Variants in NRG2 observed in about 807,000 individuals in gnomAD.
NRG2 encodes neuregulin 2, also known as pro-neuregulin-2, membrane-bound isoform.
Under a neutral mutation model 73.9 loss-of-function variants are expected in NRG2, and 27 were observed. The ratio of observed to expected loss-of-function variants is 0.37; its 90% CI spans 0.27 to 0.50. The LOEUF (loss-of-function observed/expected upper bound fraction) is 0.50, where lower values mean the gene tolerates loss of function less well. Among genes scored for constraint, NRG2 ranks in the 20% least tolerant of loss-of-function variants. The pLI is 0.96. For missense variants in NRG2, 1,126 were observed against 1,210.1 expected, an observed-to-expected ratio of 0.93 and a Z score of 1.03; for synonymous variants, 532 against 541.0, an observed-to-expected ratio of 0.98 and a Z score of 0.23.
chr5:139,905,230 T>C (rs959277154), intron 1 of NRG2, among the ~76,000 whole-genome samples: 5 of 152,034 alleles, frequency 3.3e-5, no homozygotes, highest in African/African-American at 1.2e-4. Flanking sequence ...CCCGCCCCGG[T>C]CCCACAAACC....
At chr5:140,035,019 C>T (rs1194288477) in intron 1 of NRG2, among the ~76,000 whole-genome samples, 1 of 152,158 alleles carries the variant, frequency 6.6e-6, no homozygotes, top group Non-Finnish European at 1.5e-5. Flanking sequence ...CTCAGGAGTT[C>T]AAGACCAGCC....
At chr5:140,009,245 T>C (rs369312903) in intron 1 of NRG2, among the ~76,000 whole-genome samples, 1 of 152,200 alleles carries the variant, frequency 6.6e-6, no homozygotes, top group Non-Finnish European at 1.5e-5. Flanking sequence ...GCTGGACACA[T>C]GGAATCTCTC....
intron 1 of NRG2, among the ~76,000 whole-genome samples, chr5:139,927,550 G>T (rs1260497049): frequency 1.3e-5 from 2 of 152,046 alleles, no homozygotes; most frequent in African/African-American, 2.4e-5. Flanking sequence ...GATCACCTGA[G>T]GTTAGGAGTT....
intron 1 of NRG2, among the ~76,000 whole-genome samples, chr5:139,985,467 C>A (rs541046820): frequency 2.4e-4 from 36 of 152,274 alleles, no homozygotes; most frequent in African/African-American, 7.9e-4. Flanking sequence ...GGAAGCCCAA[C>A]CTTTGCTGCC....
chr5:139,859,983 G>T, intron 5 of NRG2: 1 of 1,485,244 alleles, frequency 6.7e-7, no homozygotes, highest in Non-Finnish European at 9.3e-7. Context: ...TGGGGACAGG[G>T]GGAGAGAGAG....
At chr5:140,007,479 G>A (rs565699465) in intron 1 of NRG2, among the ~76,000 whole-genome samples, 2 of 152,130 alleles carry the variant, frequency 1.3e-5, no homozygotes, top group East Asian at 3.9e-4. Flanking sequence ...AGCTCAGAAA[G>A]AGGAGATCAG....
chr5:140,042,493 G>T lies in NRG2; in HGVS notation c.577C>A (p.Arg193Ser). 6.2e-7 allele frequency: 1 copy of T among 1,613,808 alleles called. No homozygotes were observed. Among genetic ancestry groups the T allele is most frequent in the Non-Finnish European group, 8.5e-7 (1 of 1,179,926 alleles). ...GSCVPLERNQ[R>S]YIFFLEPTEQ... The stretch of plus-strand genomic sequence containing the variant: ...GTGGGCTCCAGGAAAAAGATGTAGC[G>T]CTGGTTCCTTTCGAGCGGCACACAG... The change falls in exon 1 of 10, where the codon CGC (arginine) becomes AGC (serine). Residue 193 changes from arginine to serine, a missense_variant. By Grantham distance (110) the Arg-to-Ser change is moderately radical (BLOSUM62 -1). Around this residue, in one of 3 missense-constraint regions of NRG2, gnomAD observed 539 missense variants for 703.2 expected, o/e 0.77. Transcript: ENST00000361474.
intron 1 of NRG2, among the ~76,000 whole-genome samples, chr5:140,012,774 CTCTT>C (rs1759467884): frequency 6.6e-6 from 1 of 152,290 alleles, no homozygotes; most frequent in South Asian, 2.1e-4. Context: ...TTCTTCCCTT[CTCTT>C]TCTTTCTTCC....
intron 1 of NRG2, among the ~76,000 whole-genome samples, chr5:139,898,560 C>T (rs1308183738): frequency 2.6e-5 from 4 of 152,238 alleles, no homozygotes; most frequent in Non-Finnish European, 5.9e-5. Context: ...GTGTTTGCAG[C>T]TGGCGAGCTA....
At chr5:139,912,705 C>G (rs1374971416) in intron 1 of NRG2, among the ~76,000 whole-genome samples, 1 of 152,078 alleles carries the variant, frequency 6.6e-6, no homozygotes, top group Non-Finnish European at 1.5e-5. Context: ...CATAATTTAC[C>G]CAGGAGAAGG....
Position 139,865,332 on chromosome 5 carries a change from C to T in NRG2, c.1189+217G>A, listed in dbSNP as rs1762414954. ...TCTGCCCCTTACCTGCAGCCCTGAA[C>T]TTTAAACCCAAGGATTAGGCCAAAA... On this transcript the variant is annotated intron_variant, in intron 5 of 9. Transcript: ENST00000361474. This position sits in a 1 kb window ranked among gnomAD's most constrained non-coding sequence, Gnocchi z 5.2. 1 of 756,490 alleles carries T rather than the reference C, an allele frequency of 1.3e-6. No individual in the cohort carries two copies. Among genetic ancestry groups the T allele is most frequent in the African/African-American group, 1.8e-5 (1 of 56,694 alleles). The allele number at this position is 756,490 out of a possible 1,614,324, so 46.9% of individuals were successfully genotyped here. A position where few individuals can be genotyped will look rare whatever the true frequency, so the allele number is the denominator to read the frequency against.
chr5:139,957,056 T>C (rs1455599457), intron 1 of NRG2, among the ~76,000 whole-genome samples: 1 of 152,188 alleles, frequency 6.6e-6, no homozygotes, highest in Non-Finnish European at 1.5e-5. Context: ...GAAAATGATA[T>C]GCTGGCATGA....
chr5:139,889,520 C>A (rs1482660907), intron 1 of NRG2, among the ~76,000 whole-genome samples: 2 of 152,170 alleles, frequency 1.3e-5, no homozygotes, highest in African/African-American at 4.8e-5. Flanking sequence ...ACAAATCCCG[C>A]ACCCCCGAGT....
chr5:139,960,840 C>T (rs1403329695), intron 1 of NRG2, among the ~76,000 whole-genome samples: 2 of 152,192 alleles, frequency 1.3e-5, no homozygotes, highest in African/African-American at 2.4e-5. Flanking sequence ...GTTAACCCCA[C>T]CACCTTCTAG....
Position 139,851,516 on chromosome 5 carries a change from G to T in NRG2, c.1772+88C>A. The T allele has an allele frequency of 1.6e-6, 2 of 1,275,730 alleles. No individual in the cohort carries two copies. The highest frequency in any genetic ancestry group is 1.3e-5 in the South Asian group (1 of 76,534). 79.0% of individuals were successfully genotyped at this position (1,275,730 alleles called of 1,614,324 possible). On this transcript the variant is annotated intron_variant, in intron 9 of 9. Coordinates refer to ENST00000361474, the MANE Select transcript of NRG2 (RefSeq NM_004883.3). The surrounding 1 kb of genome is among the most constrained non-coding windows in gnomAD (Gnocchi z 4.2). ...AAATGGAGATGAGGCTCTTTGGAGTGTTTCTGAGGGGCCCTAAGGGTCAGC... is the reference window on the plus strand; with the variant it reads ...AAATGGAGATGAGGCTCTTTGGAGTTTTTCTGAGGGGCCCTAAGGGTCAGC...
intron 1 of NRG2, among the ~76,000 whole-genome samples, chr5:139,936,481 A>G (rs1752862129): frequency 6.6e-6 from 1 of 152,230 alleles, no homozygotes; most frequent in Non-Finnish European, 1.5e-5. Context: ...AAATAGCCCT[A>G]TATCTATTAA....
At chr5:139,937,784 A>C (rs973485437) in intron 1 of NRG2, among the ~76,000 whole-genome samples, 23 of 152,206 alleles carry the variant, frequency 1.5e-4, no homozygotes, top group Admixed American at 1.4e-3. Flanking sequence ...AAATTAACAA[A>C]AGATATATAA....
intron 1 of NRG2, among the ~76,000 whole-genome samples, chr5:139,945,198 A>G (rs1438952559): frequency 2.0e-5 from 3 of 152,028 alleles, no homozygotes; most frequent in Admixed American, 6.5e-5. Flanking sequence ...CTTCCATTCT[A>G]TAGGTTTTCT....
chr5:139,871,897 G>A lies in NRG2; in HGVS notation c.992-56C>T, dbSNP rs981253671. The A allele has an allele frequency of 5.0e-5, 79 of 1,585,676 alleles. No homozygotes were observed. The South Asian group carries it at 5.4e-4, about 11-fold the overall frequency. ...GCACTGAGACTATCCCTAGGCCCCA[G>A]GAATCATCTCCTTCATGCCCCACGT... On this transcript the variant is annotated intron_variant, in intron 3 of 9. Coordinates refer to ENST00000361474, the MANE Select transcript of NRG2 (RefSeq NM_004883.3).
Sources: allele counts gnomAD v4.1 joint callset (sites outside exome capture counted in the v4.1 genomes callset), GRCh38; gene constraint gnomAD v4.1.1; regional missense constraint gnomAD v4.1.1; non-coding constraint Gnocchi (gnomAD v3.1); transcripts MANE v1.5; gene names NCBI Gene and HGNC (gene_info 2026-07-23, HGNC 2026-07-21).